The following SORCS1 variants were observed in gnomAD, a reference collection of about 807,000 sequenced individuals.
SORCS1 encodes sortilin related VPS10 domain containing receptor 1.
A neutral mutation model predicts 146.1 loss-of-function variants in SORCS1; 60 were observed. The observed-to-expected ratio is 0.41, with a 90% CI of 0.33 to 0.51. The LOEUF is 0.51. SORCS1 is among the 20% of genes least tolerant of loss of function. The pLI is 0.21. For synonymous variants in SORCS1, 637 were observed against 584.0 expected (o/e 1.09, Z -1.31); for missense variants, 1,352 against 1,487.6 (o/e 0.91, Z 1.50).
intron 1 of SORCS1, among the ~76,000 whole-genome samples, chr10:106,973,284 T>C (rs1230441826): frequency 6.6e-6 from 1 of 152,214 alleles, no homozygotes; most frequent in African/African-American, 2.4e-5. Flanking sequence ...ATACCTCTAT[T>C]CCAAGTGGGA....
intron 2 of SORCS1, among the ~76,000 whole-genome samples, chr10:106,884,494 T>C (rs992568267): frequency 1.3e-5 from 2 of 152,176 alleles, no homozygotes; most frequent in Non-Finnish European, 2.9e-5. Context: ...ATTAATAATA[T>C]GTGCAATTGA....
At chr10:106,844,580 A>C (rs1359346996) in intron 2 of SORCS1, among the ~76,000 whole-genome samples, 1 of 149,978 alleles carries the variant, frequency 6.7e-6, no homozygotes, top group Non-Finnish European at 1.5e-5. Flanking sequence ...TTTTTTAATT[A>C]TTATTTTTTT....
intron 2 of SORCS1, among the ~76,000 whole-genome samples, chr10:106,939,409 TG>T (rs1293326716): frequency 6.6e-6 from 1 of 152,270 alleles, no homozygotes; most frequent in Non-Finnish European, 1.5e-5. Context: ...TCTGACTCAA[TG>T]TTCTCATTCA....
intron 3 of SORCS1, among the ~76,000 whole-genome samples, chr10:106,794,792 C>T (rs944561859): frequency 3.3e-5 from 5 of 152,064 alleles, no homozygotes; most frequent in Non-Finnish European, 5.9e-5. Context: ...CGTGAGCCAC[C>T]ACACCGGGCC....
At chr10:107,089,409 A>G (rs959465027) in intron 1 of SORCS1, among the ~76,000 whole-genome samples, 3 of 152,210 alleles carry the variant, frequency 2.0e-5, no homozygotes, top group African/African-American at 7.2e-5. Context: ...GACCTTCAGA[A>G]AAGACTAGTT....
chr10:106,956,526 T>G lies in SORCS1; in HGVS notation c.613A>C (p.Ser205Arg), dbSNP rs758718098. The G allele has an allele frequency of 1.9e-6, 3 of 1,614,112 alleles. No individual in the cohort carries two copies. The highest frequency in any genetic ancestry group is 1.7e-5 in the Admixed American group (1 of 60,018). ...TTATCTACATACCTCCAAAGCGAGC[T>G]CTCTGTGATGCTCCCCAGGTTATAG... The part of the protein sequence containing the change: ...YDYNLGSITE[S>R]SLWRSTDYGT... Residue 205 changes from serine to arginine, a missense_variant, in exon 2 of 26, where the codon AGC becomes CGC. Ser to Arg is a moderately radical substitution (Grantham distance 110). Transcript: ENST00000263054.
Position 106,776,559 on chromosome 10 carries a change from A to G in SORCS1, c.860T>C (p.Ile287Thr). 1 of 1,614,044 alleles carries G rather than the reference A, an allele frequency of 6.2e-7. No individual in the cohort carries two copies. Among genetic ancestry groups the G allele is most frequent in the Non-Finnish European group, 8.5e-7 (1 of 1,179,908 alleles). Residue 287 changes from isoleucine (I) to threonine (T), a missense_variant, in exon 4 of 26, where the codon ATT becomes ACT. By Grantham distance (89) the Ile-to-Thr change is moderately conservative. Around this residue, in one of 3 missense-constraint regions of SORCS1, gnomAD observed 490 missense variants for 489.1 expected, o/e 1.00. Transcript: ENST00000263054. ...CTTTTGGTCTTGACTGTATGCCAGA[A>G]TCCAGTCTTCTTGTTTGGGGTGAAA... ...LLFHPKQEDW[I>T]LAYSQDQKLY... is the part of the protein sequence containing the mutation.
chr10:106,984,560 A>ATTTTTTGCAT (rs1564888383), intron 1 of SORCS1, among the ~76,000 whole-genome samples: 1 of 151,476 alleles, frequency 6.6e-6, no homozygotes, highest in Non-Finnish European at 1.5e-5. Flanking sequence ...CGCCCAGCTA[A>ATTTTTTGCAT]TTTTTTGCAT....
chr10:106,752,001 A>G (rs1858286567), intron 5 of SORCS1, among the ~76,000 whole-genome samples: 1 of 152,232 alleles, frequency 6.6e-6, no homozygotes, highest in Admixed American at 6.5e-5. Flanking sequence ...AAGTTACTTA[A>G]TGGTAATAAT....
rs76495347 is a variant in SORCS1 at position 107,117,185 on chromosome 10, G to A, written c.558+46784C>T. On this transcript the variant is annotated intron_variant, in intron 1 of 25. Transcript: ENST00000263054. ...ATTTGAAAAGAAGATTAATATGGGT[G>A]TGAACTATGAACTTAATCCACCACC... Among the ~76,000 whole-genome samples the A allele has an allele frequency of 7.2e-3, 1,102 of 152,262 alleles. 16 individuals are homozygous for A. The highest frequency in any genetic ancestry group is 0.025 in the African/African-American group (1,031 of 41,542).
At chr10:106,788,410 G>A (rs950940514) in intron 3 of SORCS1, among the ~76,000 whole-genome samples, 1 of 152,198 alleles carries the variant, frequency 6.6e-6, no homozygotes, top group Admixed American at 6.5e-5. Flanking sequence ...AGTCTCATCT[G>A]AGACAAATCA....
intron 9 of SORCS1, among the ~76,000 whole-genome samples, chr10:106,697,182 A>C (rs1005505713): frequency 6.6e-6 from 1 of 152,132 alleles, no homozygotes; most frequent in Admixed American, 6.6e-5. Flanking sequence ...CTTATTTATA[A>C]GAAGACAGCT....
rs778852501 is a variant in SORCS1 at position 106,588,860 on chromosome 10, CAAAAAAAAAAAAA to C, written c.3265+8478_3265+8490del. On this transcript the variant is annotated intron_variant, in intron 24 of 25. Transcript: ENST00000263054. Reference sequence around the variant, plus strand: ...TGGGTGACAGGGCAAGACTCCATCTCAAAAAAAAAAAAAAAAAAAAAAAAAAAAAAGAAGATTC... The same window carrying C: ...TGGGTGACAGGGCAAGACTCCATCTCAAAAAAAAAAAAAAAAAGAAGATTC... 4.0e-4 allele frequency among the ~76,000 whole-genome samples: 14 copies of C among 35,116 alleles called. No individual in the cohort carries two copies. The South Asian group carries it at 7.8e-3, about 19-fold the overall frequency. The allele number at this position is 35,116 out of a possible 152,430, so 23.0% of individuals were successfully genotyped here.
intron 2 of SORCS1, among the ~76,000 whole-genome samples, chr10:106,944,871 C>CTTTTTTTTTTTTTTTTTTTTTTTTTTTT (rs1564838013): frequency 3.3e-5 from 2 of 61,024 alleles, no homozygotes; most frequent in African/African-American, 8.9e-5. Flanking sequence ...AAGAAAGAGC[C>CTTTTTTTTTTTTTTTTTTTTTTTTTTTT]TTCTTTTTTT....
At chr10:106,868,746 A>G (rs565759788) in intron 2 of SORCS1, among the ~76,000 whole-genome samples, 1 of 152,316 alleles carries the variant, frequency 6.6e-6, no homozygotes, top group East Asian at 1.9e-4. Flanking sequence ...AAAAACTTAG[A>G]AAGATCTCAA....
the SORCS1 span, among the ~76,000 whole-genome samples, chr10:107,180,093 T>C: frequency 6.6e-6 from 1 of 151,782 alleles, no homozygotes; most frequent in Non-Finnish European, 1.5e-5. Flanking sequence ...ACTTGTTGTT[T>C]TTTATAGAGA....
chr10:107,071,313 G>T (rs17122033), intron 1 of SORCS1, among the ~76,000 whole-genome samples: 2 of 151,782 alleles, frequency 1.3e-5, no homozygotes, highest in Non-Finnish European at 2.9e-5. Context: ...CTTTACTACC[G>T]TAACAGTGTT....
At chr10:107,145,895 T>C (rs1479343396) in intron 1 of SORCS1, among the ~76,000 whole-genome samples, 1 of 152,186 alleles carries the variant, frequency 6.6e-6, no homozygotes, top group African/African-American at 2.4e-5. Context: ...ATGACTATCA[T>C]TTTAGCTCTA....
intron 3 of SORCS1, among the ~76,000 whole-genome samples, chr10:106,812,509 T>C (rs1947517039): frequency 6.6e-6 from 1 of 152,214 alleles, no homozygotes; most frequent in African/African-American, 2.4e-5. Flanking sequence ...AGATTTCTAG[T>C]TCCAATTTAG....
Sources: allele counts gnomAD v4.1 joint callset (sites outside exome capture counted in the v4.1 genomes callset), GRCh38; gene constraint gnomAD v4.1.1; regional missense constraint gnomAD v4.1.1; transcripts MANE v1.5; gene names NCBI Gene and HGNC (gene_info 2026-07-23, HGNC 2026-07-21).